The following OPCML variants were observed in gnomAD, a reference collection of about 807,000 sequenced individuals.
OPCML encodes the protein opioid binding protein/cell adhesion molecule like, also known as opioid-binding protein/cell adhesion molecule.
In OPCML, 13 loss-of-function variants were observed where a neutral mutation model predicts 37.8. That is an observed-to-expected ratio of 0.34 (90% CI 0.22 to 0.55). OPCML has a LOEUF of 0.55. Among genes scored for constraint, OPCML ranks in the 20% least tolerant of loss-of-function variants. The pLI is 0.91. For synonymous variants in OPCML, 176 were observed against 168.8 expected (o/e 1.04, Z -0.33); for missense variants, 341 against 435.6 (o/e 0.78, Z 1.93).
intron 2 of OPCML, among the ~76,000 whole-genome samples, chr11:132,906,167 T>G (rs1456578166): frequency 6.6e-6 from 1 of 152,180 alleles, no homozygotes; most frequent in Non-Finnish European, 1.5e-5. Context: ...CATCGATGCA[T>G]TAATCCATGG....
In OPCML at chr11:132,419,139, G is replaced by A. The variant is rs1236223753; in HGVS notation, c.*1054C>T. The stretch of plus-strand genomic sequence containing the variant: ...ACAGAAGTTGAAAGATAATTTTGAA[G>A]ATGCCAATGTCTGCTGATGGTGTAT... On this transcript the variant is annotated 3_prime_UTR_variant, in exon 8 of 8. Coordinates refer to ENST00000524381, the MANE Select transcript of OPCML (RefSeq NM_001012393.5). 1 of 152,566 alleles carries A rather than the reference G, an allele frequency of 6.6e-6. No homozygotes were observed. The highest frequency in any genetic ancestry group is 1.5e-5 in the Non-Finnish European group (1 of 68,054). The allele number at this position is 152,566 out of a possible 1,614,324, so 9.5% of individuals were successfully genotyped here. A position where few individuals can be genotyped will look rare whatever the true frequency, so the allele number is the denominator to read the frequency against.
At chr11:132,768,862 C>T (rs929597886) in intron 2 of OPCML, among the ~76,000 whole-genome samples, 10 of 152,078 alleles carry the variant, frequency 6.6e-5, no homozygotes, top group Admixed American at 2.0e-4. Flanking sequence ...TAGGTGAAAG[C>T]AGTGGGTGGT....
At chr11:132,451,444 A>T (rs2096068156) in intron 4 of OPCML, among the ~76,000 whole-genome samples, 1 of 152,216 alleles carries the variant, frequency 6.6e-6, no homozygotes, top group Admixed American at 6.5e-5. Flanking sequence ...AGAGGCACAG[A>T]ACACTCTAGA....
chr11:132,498,808 C>A (rs1308892008), intron 4 of OPCML, among the ~76,000 whole-genome samples: 1 of 151,934 alleles, frequency 6.6e-6, no homozygotes, highest in South Asian at 2.1e-4. Flanking sequence ...TAATGTGTAT[C>A]AAGACACAGT....
intron 1 of OPCML, among the ~76,000 whole-genome samples, chr11:133,293,686 T>C (rs1012215409): frequency 2.0e-5 from 3 of 151,936 alleles, no homozygotes; most frequent in African/African-American, 7.3e-5. Context: ...CTGGTTCCAA[T>C]TTACCCCAAA....
At chr11:132,657,046 C>T in intron 3 of OPCML, 41 bp downstream of exon 3, 1 of 1,600,848 alleles carries the variant, frequency 6.2e-7, no homozygotes, top group Non-Finnish European at 8.5e-7. Context: ...TCCCCTCCAT[C>T]ACTGACGGGA....
At chr11:132,933,915 C>A (rs888339596) in intron 2 of OPCML, among the ~76,000 whole-genome samples, 2 of 152,114 alleles carry the variant, frequency 1.3e-5, no homozygotes, top group Non-Finnish European at 2.9e-5. Flanking sequence ...CTCTAATAAA[C>A]CCCTGACTCA....
rs184033014 is a variant in OPCML, at chr11:132,801,783, T to A, written c.146+141143A>T. Among the ~76,000 whole-genome samples, 13 of 152,332 alleles carry A rather than the reference T, an allele frequency of 8.5e-5. No homozygotes were observed. In the East Asian group the frequency reaches 2.5e-3, roughly 29 times the overall value. On this transcript the variant is annotated intron_variant, in intron 2 of 7. Transcript: ENST00000524381. ...TTCTCCGAGCTCTAGGCTCATGAAT[T>A]CAGGAAATCTTTATTGAGTGCTATT...
chr11:133,477,990 T>C (rs1947281769), intron 1 of OPCML, among the ~76,000 whole-genome samples: 1 of 152,240 alleles, frequency 6.6e-6, no homozygotes, highest in South Asian at 2.1e-4. Flanking sequence ...CTATGAGATG[T>C]GCTTACTGCT....
intron 2 of OPCML, among the ~76,000 whole-genome samples, chr11:132,784,624 A>G (rs1301552127): frequency 2.0e-5 from 3 of 151,888 alleles, no homozygotes; most frequent in Non-Finnish European, 4.4e-5. Context: ...TGTGACCTCC[A>G]ATGTTGGACG....
At chr11:133,198,722 A>T (rs1938638273) in intron 1 of OPCML, among the ~76,000 whole-genome samples, 1 of 152,200 alleles carries the variant, frequency 6.6e-6, no homozygotes, top group African/African-American at 2.4e-5. Context: ...CCATTTCCAT[A>T]GCCACAGCTA....
chr11:132,963,714 T>A (rs768534982), intron 1 of OPCML, among the ~76,000 whole-genome samples: 1 of 152,122 alleles, frequency 6.6e-6, no homozygotes, highest in Non-Finnish European at 1.5e-5. Context: ...GTCTAGGTTG[T>A]CAGCAAATAT....
At chr11:132,547,946 G>A (rs1475374534) in intron 3 of OPCML, among the ~76,000 whole-genome samples, 1 of 152,224 alleles carries the variant, frequency 6.6e-6, no homozygotes, top group Non-Finnish European at 1.5e-5. Flanking sequence ...TCCTAAGGGT[G>A]TAAAAATGAG....
chr11:133,369,621 C>A (rs1232975323), intron 1 of OPCML, among the ~76,000 whole-genome samples: 1 of 152,124 alleles, frequency 6.6e-6, no homozygotes, highest in East Asian at 1.9e-4. Flanking sequence ...TGGAACAATA[C>A]CATACATCAT....
At position 132,491,837 on chromosome 11, in the gene OPCML, T is replaced by C. The variant is rs184316032; in HGVS notation, c.505+37224A>G. On this transcript the variant is annotated intron_variant, in intron 4 of 7. Coordinates refer to ENST00000524381, the MANE Select transcript of OPCML (RefSeq NM_001012393.5). ...GAATCATATGCTGGGACAGTAGGTG[T>C]TGGAAGACAAATTATGCAGTATAAA... Among the ~76,000 whole-genome samples, 78 of 152,104 alleles carry C rather than the reference T, an allele frequency of 5.1e-4. 1 individual carries two copies. The highest frequency in any genetic ancestry group is 1.8e-3 in the African/African-American group (75 of 41,488).
At chr11:133,193,194 C>CTGTTCCATT (rs1938394429) in intron 1 of OPCML, among the ~76,000 whole-genome samples, 1 of 152,088 alleles carries the variant, frequency 6.6e-6, no homozygotes, top group African/African-American at 2.4e-5. Flanking sequence ...CCAGAAGAAT[C>CTGTTCCATT]CTGGATCTGT....
intron 1 of OPCML, among the ~76,000 whole-genome samples, chr11:133,021,506 CAATGAGCTTTGCTGCATCAG>C (rs1231979689): frequency 6.6e-6 from 1 of 152,200 alleles, no homozygotes; most frequent in Admixed American, 6.5e-5. Context: ...TTCTCAACGG[CAATGAGCTTTGCTGCATCAG>C]CTGGAGACAG....
intron 1 of OPCML, among the ~76,000 whole-genome samples, chr11:133,453,804 A>G (rs1946624694): frequency 6.6e-6 from 1 of 152,242 alleles, no homozygotes; most frequent in Non-Finnish European, 1.5e-5. Context: ...ATGGGGATGT[A>G]TCTTACAGAT....
rs1481656919 is a variant in OPCML at position 132,437,357 on chromosome 11, C to T, written c.508G>A (p.Gly170Ser). The change falls in exon 5 of 8, where the codon GGC becomes AGC. Residue 170 changes from glycine to serine, a missense_variant and splice_region_variant. Gly to Ser is a moderately conservative substitution (Grantham distance 56). Coordinates refer to ENST00000524381, the MANE Select transcript of OPCML (RefSeq NM_001012393.5). ...VTWRHLSVKE[G>S]QGFVSEDEYL... ...TCATCCTCACTTACAAAGCCCTGGCCTTCTGGGAAGAAAGAAGCAGACAGG... is the reference window on the plus strand; with the variant it reads ...TCATCCTCACTTACAAAGCCCTGGCTTTCTGGGAAGAAAGAAGCAGACAGG... The T allele has an allele frequency of 6.2e-7, 1 of 1,614,036 alleles. No homozygotes were observed. Among genetic ancestry groups the T allele is most frequent in the Non-Finnish European group, 8.5e-7 (1 of 1,179,974 alleles).
Sources: allele counts gnomAD v4.1 joint callset (sites outside exome capture counted in the v4.1 genomes callset), GRCh38; gene constraint gnomAD v4.1.1; transcripts MANE v1.5; gene names NCBI Gene and HGNC (gene_info 2026-07-23, HGNC 2026-07-21).